Variants in MYO3B observed in about 807,000 individuals in gnomAD.
MYO3B encodes the protein myosin IIIB.
In MYO3B, 156 loss-of-function variants were observed where a neutral mutation model predicts 174.6. The ratio of observed to expected loss-of-function variants is 0.89; its 90% confidence interval spans 0.78 to 1.02. The LOEUF (loss-of-function observed/expected upper bound fraction) is 1.02, where lower values mean the gene tolerates loss of function less well. Among genes scored for constraint, MYO3B ranks in the 50% least tolerant of loss-of-function variants. The pLI is 0.00. For synonymous variants in MYO3B, 563 were observed against 569.1 expected (o/e 0.99, Z 0.15); for missense variants, 1,632 against 1,639.4 (o/e 1.00, Z 0.08).
chr2:170,378,638 T>TG (rs1475765245), intron 9 of MYO3B, among the ~76,000 whole-genome samples: 2 of 152,364 alleles, frequency 1.3e-5, no homozygotes, highest in East Asian at 3.9e-4. Context: ...GCACACAATC[T>TG]CCTTCAGGCT....
chr2:170,420,879 C>T (rs952596261), intron 22 of MYO3B, among the ~76,000 whole-genome samples: 1 of 152,150 alleles, frequency 6.6e-6, no homozygotes, highest in Non-Finnish European at 1.5e-5. Flanking sequence ...CACCACACCT[C>T]CCAACCCTGC....
chr2:170,227,265 G>C (rs564402627), intron 6 of MYO3B, among the ~76,000 whole-genome samples: 1 of 152,066 alleles, frequency 6.6e-6, no homozygotes, highest in Admixed American at 6.6e-5. Flanking sequence ...ATTATGTCCC[G>C]GGTATTTCTC....
At position 170,652,160 on chromosome 2, in the gene MYO3B, T is replaced by TATC; in HGVS notation, c.3887+7_3887+9dup. ...AGGAAGCCAAGAAAACTTGGGTAAATATCTGTCTTCTTAGTTCTAAGCAAC... is the reference window on the plus strand; with the variant it reads ...AGGAAGCCAAGAAAACTTGGGTAAATATCATCTGTCTTCTTAGTTCTAAGCAAC... On this transcript the variant is annotated splice_region_variant and intron_variant, in intron 34 of 34. Transcript: ENST00000408978. 1 of 1,613,846 alleles carries TATC rather than the reference T, an allele frequency of 6.2e-7. No individual in the cohort carries two copies. Among genetic ancestry groups the TATC allele is most frequent in the Non-Finnish European group, 8.5e-7 (1 of 1,179,830 alleles).
intron 7 of MYO3B, among the ~76,000 whole-genome samples, chr2:170,277,495 G>A (rs565018252): frequency 6.6e-6 from 1 of 152,168 alleles, no homozygotes; most frequent in South Asian, 2.1e-4. Context: ...TATTGTTGCT[G>A]AGTGTGATTG....
chr2:170,596,582 T>G (rs1694162169), intron 32 of MYO3B, among the ~76,000 whole-genome samples: 1 of 152,254 alleles, frequency 6.6e-6, no homozygotes, highest in Admixed American at 6.5e-5. Flanking sequence ...ACTACATGTT[T>G]TCTCCCACCC....
intron 30 of MYO3B, among the ~76,000 whole-genome samples, chr2:170,524,947 A>G (rs1688911050): frequency 6.6e-6 from 1 of 152,162 alleles, no homozygotes; most frequent in South Asian, 2.1e-4. Flanking sequence ...CACAGCACTC[A>G]TTTTTTAACT....
At chr2:170,273,424 T>G (rs1020214983) in intron 7 of MYO3B, among the ~76,000 whole-genome samples, 1 of 152,106 alleles carries the variant, frequency 6.6e-6, no homozygotes, top group African/African-American at 2.4e-5. Flanking sequence ...GCCCAAAGGA[T>G]GAAGTTCAAA....
At chr2:170,269,871 G>A (rs375927479) in intron 7 of MYO3B, among the ~76,000 whole-genome samples, 38 of 152,242 alleles carry the variant, frequency 2.5e-4, no homozygotes, top group African/African-American at 9.1e-4. Context: ...CAGATTGCTG[G>A]GCTTCCCAGA....
chr2:170,486,951 C>G (rs780737982), intron 25 of MYO3B, among the ~76,000 whole-genome samples: 16 of 152,194 alleles, frequency 1.1e-4, no homozygotes, highest in Non-Finnish European at 2.1e-4. Flanking sequence ...TTATCATGTT[C>G]CCCTAAGTCA....
chr2:170,245,358 G>C (rs1384864234), intron 7 of MYO3B, among the ~76,000 whole-genome samples: 1 of 152,124 alleles, frequency 6.6e-6, no homozygotes, highest in African/African-American at 2.4e-5. Flanking sequence ...AAGCCCAATG[G>C]GGGGATCAAA....
At chr2:170,637,594 T>A (rs573715155) in intron 32 of MYO3B, among the ~76,000 whole-genome samples, 83 of 145,156 alleles carry the variant, frequency 5.7e-4, no homozygotes, top group Non-Finnish European at 1.1e-3. Context: ...AGGGAGGGCA[T>A]GAGAAGTCAT....
chr2:170,562,918 G>T (rs2106257099), intron 32 of MYO3B, among the ~76,000 whole-genome samples: 1 of 152,020 alleles, frequency 6.6e-6, no homozygotes, highest in East Asian at 1.9e-4. Flanking sequence ...TGAGATGCTT[G>T]CTGGTGTGGG....
chr2:170,188,040 A>T (rs1295164159), intron 1 of MYO3B, among the ~76,000 whole-genome samples: 1 of 152,150 alleles, frequency 6.6e-6, no homozygotes, highest in Non-Finnish European at 1.5e-5. Context: ...TGTCTGGATG[A>T]TCTGTTCGAT....
At chr2:170,462,504 G>T (rs999715721) in intron 23 of MYO3B, among the ~76,000 whole-genome samples, 2 of 152,204 alleles carry the variant, frequency 1.3e-5, no homozygotes, top group Non-Finnish European at 2.9e-5. Context: ...CATTGAACAA[G>T]GCTGCAGACA....
chr2:170,517,374 G>A (rs772548704), intron 29 of MYO3B, among the ~76,000 whole-genome samples: 9 of 152,188 alleles, frequency 5.9e-5, no homozygotes, highest in Non-Finnish European at 1.3e-4. Flanking sequence ...ACCAGGTAAA[G>A]ATATTGCTTC....
At chr2:170,612,256 G>A (rs1172401766) in intron 32 of MYO3B, among the ~76,000 whole-genome samples, 1 of 152,186 alleles carries the variant, frequency 6.6e-6, no homozygotes, top group Non-Finnish European at 1.5e-5. Context: ...TGGTGCAAGG[G>A]CCATTCCTAG....
At chr2:170,389,736 C>T (rs1164121687) in intron 14 of MYO3B, among the ~76,000 whole-genome samples, 1 of 152,134 alleles carries the variant, frequency 6.6e-6, no homozygotes, top group Non-Finnish European at 1.5e-5. Context: ...GTGAAGGGTG[C>T]CACCATCACT....
At chr2:170,269,783 T>A (rs1183753641) in intron 7 of MYO3B, among the ~76,000 whole-genome samples, 1 of 152,242 alleles carries the variant, frequency 6.6e-6, no homozygotes, top group East Asian at 1.9e-4. Flanking sequence ...CTGTATGTCC[T>A]GACATGCAAA....
intron 22 of MYO3B, among the ~76,000 whole-genome samples, chr2:170,416,950 C>G (rs974824064): frequency 6.6e-6 from 1 of 151,478 alleles, no homozygotes; most frequent in Admixed American, 6.6e-5. Context: ...CTCAGCCTCC[C>G]GAGTAGCTGG....
Sources: allele counts gnomAD v4.1 joint callset (sites outside exome capture counted in the v4.1 genomes callset), GRCh38; gene constraint gnomAD v4.1.1; transcripts MANE v1.5; gene names NCBI Gene and HGNC (gene_info 2026-07-23, HGNC 2026-07-21).